Variants in MRPL37 observed in about 807,000 individuals in gnomAD.
The protein encoded by MRPL37 is large ribosomal subunit protein mL37.
In MRPL37, 34 loss-of-function variants were observed where a neutral mutation model predicts 44.1. The observed-to-expected ratio is 0.77, with a 90% CI of 0.59 to 1.03. MRPL37 has a LOEUF of 1.03. Among genes scored for constraint, MRPL37 ranks in the 50% least tolerant of loss-of-function variants. MRPL37 has a pLI of 0.00. For missense variants in MRPL37, 532 were observed against 543.7 expected, an observed-to-expected ratio of 0.98 and a Z score of 0.21; for synonymous variants, 212 against 219.5, an observed-to-expected ratio of 0.97 and a Z score of 0.30.
chr1:54,212,421 A>G, intron 4 of MRPL37, 80 bp from the exon 5 acceptor site: 4 of 1,527,536 alleles, frequency 2.6e-6, no homozygotes, highest in Non-Finnish European at 2.7e-6. Flanking sequence ...TCCCTGGGCT[A>G]AGGCGAGGTG....
chr1:54,208,785 T>A (rs1644143272), intron 3 of MRPL37, among the ~76,000 whole-genome samples: 1 of 152,064 alleles, frequency 6.6e-6, no homozygotes, highest in Non-Finnish European at 1.5e-5. Context: ...CTAGGGACAG[T>A]TTTTCCCTCT....
downstream of MRPL37, among the ~76,000 whole-genome samples, chr1:54,220,270 G>A (rs929918333): frequency 4.6e-5 from 7 of 152,126 alleles, no homozygotes. Context: ...TGGGACGGAG[G>A]CTCTGAGTAA....
At chr1:54,206,950 A>T (rs1336456327) in intron 3 of MRPL37, among the ~76,000 whole-genome samples, 2 of 151,686 alleles carry the variant, frequency 1.3e-5, no homozygotes, top group East Asian at 1.9e-4. Context: ...ACGGGGTTTC[A>T]CTATTTTGGC....
At position 54,218,326 on chromosome 1, in the gene MRPL37, A is replaced by G; in HGVS notation, c.*77A>G. The G allele has an allele frequency of 6.2e-7, 1 of 1,608,840 alleles. No individual in the cohort carries two copies. Among genetic ancestry groups the G allele is most frequent in the Non-Finnish European group, 8.5e-7 (1 of 1,178,072 alleles). ...GAGGGCCTGGGCCCCGTGGAGCCTCAGTGCCCGTTTGGCCTGCTGCTCTCG... is the reference window on the plus strand; with the variant it reads ...GAGGGCCTGGGCCCCGTGGAGCCTCGGTGCCCGTTTGGCCTGCTGCTCTCG... On this transcript the variant is annotated 3_prime_UTR_variant, in exon 7 of 7. Coordinates refer to ENST00000360840, the MANE Select transcript of MRPL37 (RefSeq NM_016491.4).
rs202069542 is a variant in MRPL37 at position 54,205,325 on chromosome 1, G to T, written c.561G>T (p.Leu187=). 1.9e-5 allele frequency: 30 copies of T among 1,614,154 alleles called. No individual in the cohort carries two copies. In the African/African-American group the frequency reaches 3.7e-4, roughly 20 times the overall value. The change falls in exon 3 of 7, where the codon CTG becomes CTT. Residue 187 remains leucine (L), a synonymous_variant. Transcript: ENST00000360840. The part of the protein sequence containing the change: ...CPVIVDNLIQ[L]CKSQILKHPS... ...TCATCGTGGACAACCTAATACAGCT[G>T]TGTAAATCTCAGATTCTCAAGCATC... is the stretch of plus-strand genomic sequence containing the variant.
chr1:54,207,000 G>A (rs761947856), intron 3 of MRPL37, among the ~76,000 whole-genome samples: 4 of 152,094 alleles, frequency 2.6e-5, no homozygotes, highest in African/African-American at 7.2e-5. Context: ...CAATCCACCC[G>A]CCTTGGCCTT....
chr1:54,206,359 G>A (rs886728920), intron 3 of MRPL37, among the ~76,000 whole-genome samples: 1 of 151,784 alleles, frequency 6.6e-6, no homozygotes, highest in African/African-American at 2.4e-5. Context: ...TGATCCGCCT[G>A]CCTCGGCCTC....
At chr1:54,221,601 C>A (rs1367233368), downstream of MRPL37, among the ~76,000 whole-genome samples, 1 of 152,204 alleles carries the variant, frequency 6.6e-6, no homozygotes, top group Non-Finnish European at 1.5e-5. Context: ...CACTCTCACA[C>A]ACGTGCACAG....
chr1:54,201,724 A>T (rs925535654), intron 1 of MRPL37, among the ~76,000 whole-genome samples: 3 of 152,172 alleles, frequency 2.0e-5, no homozygotes, highest in Non-Finnish European at 4.4e-5. Context: ...CTTACAAAGT[A>T]TGTGAGTTGG....
In MRPL37 at chr1:54,218,373, G is replaced by A. The variant is rs906456526; in HGVS notation, c.*124G>A. On this transcript the variant is annotated 3_prime_UTR_variant, in exon 7 of 7. Coordinates refer to ENST00000360840, the MANE Select transcript of MRPL37 (RefSeq NM_016491.4). ...CTCGCTGACAATAAAGAGCCCTTGC[G>A]TTGCACTGAAGCCTGTGTTTGGTAT... is the stretch of plus-strand genomic sequence containing the variant. The A allele has an allele frequency of 1.0e-5, 16 of 1,557,782 alleles. No individual in the cohort carries two copies. The highest frequency in any genetic ancestry group is 2.3e-4 in the Middle Eastern group (1 of 4,270).
downstream of MRPL37, among the ~76,000 whole-genome samples, chr1:54,221,249 G>GTGTT (rs71066907): frequency 0.17 from 25,753 of 152,052 alleles, 2,548 homozygotes; most frequent in East Asian, 0.48. Flanking sequence ...CCTGGGGCAA[G>GTGTT]TGTTTGGCAG....
intron 2 of MRPL37, 38 bp downstream of exon 2, chr1:54,205,239 G>A: frequency 6.2e-7 from 1 of 1,607,506 alleles, no homozygotes. Flanking sequence ...CCTACTAATG[G>A]ATCTTCGAGT....
downstream of MRPL37, chr1:54,225,303 G>A (rs895831840): frequency 3.2e-6 from 4 of 1,234,076 alleles, no homozygotes; most frequent in African/African-American, 3.1e-5. Context: ...GGAAAAGAAG[G>A]CAGACGCCTC....
At chr1:54,201,294 T>G (rs1192953894) in intron 1 of MRPL37, among the ~76,000 whole-genome samples, 1 of 152,182 alleles carries the variant, frequency 6.6e-6, no homozygotes, top group Non-Finnish European at 1.5e-5. Flanking sequence ...AAGGCAAATC[T>G]GGCAAGATTG....
chr1:54,210,633 CA>C (rs1262384676), intron 4 of MRPL37, among the ~76,000 whole-genome samples: 1 of 152,206 alleles, frequency 6.6e-6, no homozygotes, highest in African/African-American at 2.4e-5. Flanking sequence ...TCAGGCAAGA[CA>C]TCACAAGGGA....
At chr1:54,209,317 A>T (rs904161030) in intron 3 of MRPL37, among the ~76,000 whole-genome samples, 1 of 152,182 alleles carries the variant, frequency 6.6e-6, no homozygotes, top group African/African-American at 2.4e-5. Flanking sequence ...ATCCCCTCTT[A>T]GGGATCCCAG....
intron 1 of MRPL37, 149 bp downstream of exon 1, chr1:54,200,738 G>A (rs1644074112): frequency 1.1e-6 from 1 of 912,888 alleles, no homozygotes; most frequent in Non-Finnish European, 1.6e-6. Flanking sequence ...CGTCTTCTGA[G>A]GGTTGTTAGA....
intron 1 of MRPL37, among the ~76,000 whole-genome samples, chr1:54,203,511 T>A (rs1644099634): frequency 6.7e-6 from 1 of 148,588 alleles, no homozygotes; most frequent in Non-Finnish European, 1.5e-5. Context: ...TCTTGCTCTG[T>A]TGCCCTAGCT....
chr1:54,223,596 G>A (rs1644252273), downstream of MRPL37, among the ~76,000 whole-genome samples: 1 of 152,204 alleles, frequency 6.6e-6, no homozygotes, highest in South Asian at 2.1e-4. Context: ...CAGTGGGGAT[G>A]CCCAGCAGGG....
Sources: allele counts gnomAD v4.1 joint callset (sites outside exome capture counted in the v4.1 genomes callset), GRCh38; gene constraint gnomAD v4.1.1; transcripts MANE v1.5; gene names NCBI Gene and HGNC (gene_info 2026-07-23, HGNC 2026-07-21).